SAMD12: variants seen among roughly 807,000 people sequenced by gnomAD.
SAMD12 encodes the protein sterile alpha motif domain containing 12, also known as sterile alpha motif domain-containing protein 12.
In SAMD12, 9 loss-of-function variants were observed where a neutral mutation model predicts 15.0. The observed-to-expected ratio is 0.60, with a 90% CI of 0.36 to 1.05. The LOEUF is 1.05. SAMD12 is among the 50% of genes least tolerant of loss of function. The pLI is 0.01. For missense variants in SAMD12, 230 were observed against 234.2 expected, an observed-to-expected ratio of 0.98 and a Z score of 0.12; for synonymous variants, 86 against 90.1, an observed-to-expected ratio of 0.96 and a Z score of 0.25.
chr8:118,423,777 C>T (rs1481633699), intron 3 of SAMD12, among the ~76,000 whole-genome samples: 1 of 152,130 alleles, frequency 6.6e-6, no homozygotes, highest in Non-Finnish European at 1.5e-5. Context: ...TCACTTTCCT[C>T]ATTTGTCAAA....
chr8:118,482,837 A>G (rs902800288), intron 2 of SAMD12, among the ~76,000 whole-genome samples: 1 of 152,212 alleles, frequency 6.6e-6, no homozygotes, highest in Non-Finnish European at 1.5e-5. Context: ...TGCTTTTGCA[A>G]TAAAATTCCT....
intron 4 of SAMD12, among the ~76,000 whole-genome samples, chr8:118,212,110 A>G (rs993004760): frequency 1.3e-5 from 2 of 151,798 alleles, no homozygotes; most frequent in Non-Finnish European, 2.9e-5. Flanking sequence ...ATTTCATTAA[A>G]TCCAAGATAC....
intron 3 of SAMD12, among the ~76,000 whole-genome samples, chr8:118,399,853 C>T (rs956380604): frequency 3.3e-5 from 5 of 152,194 alleles, no homozygotes; most frequent in Non-Finnish European, 7.4e-5. Context: ...GGTTTTAAAA[C>T]AGCCCAGGTG....
intron 4 of SAMD12, among the ~76,000 whole-genome samples, chr8:118,332,709 A>T (rs1467311411): frequency 6.6e-6 from 1 of 152,186 alleles, no homozygotes; most frequent in South Asian, 2.1e-4. Context: ...TGACATTCCA[A>T]TACTGGAGTA....
intron 4 of SAMD12, among the ~76,000 whole-genome samples, chr8:118,225,975 A>G (rs532075726): frequency 2.0e-4 from 31 of 152,312 alleles, no homozygotes; most frequent in African/African-American, 7.2e-4. Flanking sequence ...GTCTCAAGAT[A>G]CAGAGCTGAC....
intron 2 of SAMD12, among the ~76,000 whole-genome samples, chr8:118,466,176 A>G (rs986829211): frequency 6.6e-6 from 1 of 152,200 alleles, no homozygotes; most frequent in African/African-American, 2.4e-5. Flanking sequence ...TGTAAAAGAG[A>G]AAAAGGAAGT....
chr8:118,496,229 C>A (rs1429756341), intron 2 of SAMD12, among the ~76,000 whole-genome samples: 1 of 152,030 alleles, frequency 6.6e-6, no homozygotes, highest in Non-Finnish European at 1.5e-5. Flanking sequence ...TCATATGGAA[C>A]AAAATAATAA....
chr8:118,547,537 A>G (rs1826166708), intron 2 of SAMD12, among the ~76,000 whole-genome samples: 1 of 152,222 alleles, frequency 6.6e-6, no homozygotes, highest in Non-Finnish European at 1.5e-5. Context: ...CACCTTACAC[A>G]GTACTTAGCA....
the SAMD12 span, among the ~76,000 whole-genome samples, chr8:118,142,650 T>C: frequency 6.6e-6 from 1 of 152,242 alleles, no homozygotes; most frequent in Non-Finnish European, 1.5e-5. Context: ...CAAGTACTCC[T>C]ACATTGGCCC....
chr8:118,551,562 C>G lies in SAMD12; in HGVS notation c.192+29153G>C, dbSNP rs529045126. 2.0e-5 allele frequency among the ~76,000 whole-genome samples: 3 copies of G among 152,028 alleles called. No homozygotes were observed. The South Asian group carries it at 6.2e-4, about 32-fold the overall frequency. On this transcript the variant is annotated intron_variant, in intron 2 of 3. Coordinates refer to ENST00000314727, the MANE Select transcript of SAMD12 (RefSeq NM_207506.3). ...GGAAATTTATAGCAGTAAATGCCAA[C>G]AAGAGAAAGCAAGAAAGATCCAAAA... is the stretch of plus-strand genomic sequence containing the variant.
In SAMD12 at chr8:118,536,778, C is replaced by A. The variant is rs188948536; in HGVS notation, c.192+43937G>T. 5.9e-5 allele frequency among the ~76,000 whole-genome samples: 9 copies of A among 152,256 alleles called. No individual in the cohort carries two copies. In the East Asian group the frequency reaches 7.7e-4, roughly 13 times the overall value. ...ATTTTTGATTGATGCATCTTTCAGTCTTTCTACTCAAGATATGAGCTTATA... is the reference window on the plus strand; with the variant it reads ...ATTTTTGATTGATGCATCTTTCAGTATTTCTACTCAAGATATGAGCTTATA... On this transcript the variant is annotated intron_variant, in intron 2 of 3. Coordinates refer to ENST00000314727, the MANE Select transcript of SAMD12 (RefSeq NM_207506.3).
intron 4 of SAMD12, among the ~76,000 whole-genome samples, chr8:118,343,353 G>A (rs1817466958): frequency 6.6e-6 from 1 of 150,636 alleles, no homozygotes; most frequent in Non-Finnish European, 1.5e-5. Flanking sequence ...ATAATAAAAG[G>A]TAGTTTTGGA....
chr8:118,326,272 C>T (rs1008630346), intron 4 of SAMD12, among the ~76,000 whole-genome samples: 4 of 152,148 alleles, frequency 2.6e-5, no homozygotes, highest in South Asian at 2.1e-4. Flanking sequence ...TCAGGAACAA[C>T]GGTTCCAGGA....
At chr8:118,374,830 T>A (rs993641490), downstream of SAMD12, among the ~76,000 whole-genome samples, 2 of 152,124 alleles carry the variant, frequency 1.3e-5, no homozygotes, top group Non-Finnish European at 2.9e-5. Flanking sequence ...GCTTGTTTTT[T>A]TTTCCCCTTG....
At chr8:118,466,533 T>TAAAA (rs1261137998) in intron 2 of SAMD12, among the ~76,000 whole-genome samples, 3 of 152,168 alleles carry the variant, frequency 2.0e-5, no homozygotes, top group Non-Finnish European at 2.9e-5. Context: ...AGGCATACCA[T>TAAAA]AAATAACACA....
chr8:118,571,214 G>A (rs571688422), intron 2 of SAMD12, among the ~76,000 whole-genome samples: 1 of 152,274 alleles, frequency 6.6e-6, no homozygotes, highest in Non-Finnish European at 1.5e-5. Flanking sequence ...TTAGAACTGG[G>A]TAACAGGCAG....
intron 3 of SAMD12, among the ~76,000 whole-genome samples, chr8:118,427,349 C>T (rs567487280): frequency 2.0e-5 from 3 of 152,256 alleles, no homozygotes; most frequent in South Asian, 2.1e-4. Context: ...TTTACTGAGA[C>T]ATAACTTACA....
At chr8:118,606,613 T>C (rs1424492603) in intron 1 of SAMD12, among the ~76,000 whole-genome samples, 1 of 151,344 alleles carries the variant, frequency 6.6e-6, no homozygotes, top group Non-Finnish European at 1.5e-5. Flanking sequence ...AAAACATCCC[T>C]GGCCAGGCAA....
At chr8:118,381,942 A>T (rs1819696566) in intron 3 of SAMD12, among the ~76,000 whole-genome samples, 1 of 152,190 alleles carries the variant, frequency 6.6e-6, no homozygotes, top group Non-Finnish European at 1.5e-5. Flanking sequence ...GCACACACAA[A>T]GGTAAAAAGT....
Sources: gnomAD v4.1 joint callset for allele counts (sites outside exome capture counted in the v4.1 genomes callset) on GRCh38, gnomAD v4.1.1 for gene constraint, MANE v1.5 for transcripts, NCBI Gene and HGNC (gene_info 2026-07-23, HGNC 2026-07-21) for gene names.